The following RPH3AL variants were observed in gnomAD, a reference collection of about 807,000 sequenced individuals.
RPH3AL encodes rabphilin 3A like (without C2 domains).
RPH3AL carries 38 observed loss-of-function variants against 43.1 expected under a neutral mutation model. The ratio of observed to expected loss-of-function variants is 0.88; its 90% CI spans 0.68 to 1.15. The LOEUF is 1.15. RPH3AL is among the 50% of genes most tolerant of loss of function. The pLI, the probability that RPH3AL is intolerant of heterozygous loss-of-function variation, is 0.00. For missense variants in RPH3AL, 462 were observed against 423.2 expected (o/e 1.09, Z -0.81); for synonymous variants, 189 against 176.3 (o/e 1.07, Z -0.57).
chr17:268,003 A>C (rs2042362615), intron 6 of RPH3AL, among the ~76,000 whole-genome samples: 1 of 151,784 alleles, frequency 6.6e-6, no homozygotes, highest in Non-Finnish European at 1.5e-5. Flanking sequence ...CCGTAAACCC[A>C]CCCTCCCTCT....
chr17:332,704 C>A lies in RPH3AL; in HGVS notation c.-37+1055G>T, dbSNP rs758998022. The A allele has an allele frequency of 1.2e-5, 3 of 249,650 alleles. No homozygotes were observed. The South Asian group carries it at 1.5e-4, about 12-fold the overall frequency. The allele number at this position is 249,650 out of a possible 1,614,324, so 15.5% of individuals were successfully genotyped here. A position where few individuals can be genotyped will look rare whatever the true frequency, so the allele number is the denominator to read the frequency against. On this transcript the variant is annotated intron_variant, in intron 2 of 9. Transcript: ENST00000331302. ...GCCGTTTGTCCCTCAAGATTCCCCA[C>A]GGGGTAGTCGGCCTCAAGGCAGCTC...
At chr17:314,379 G>A (rs535783535) in intron 5 of RPH3AL, among the ~76,000 whole-genome samples, 2 of 145,068 alleles carry the variant, frequency 1.4e-5, no homozygotes, top group East Asian at 2.0e-4. Flanking sequence ...CCCGAGTCCT[G>A]CAAGTTGGCC....
intron 6 of RPH3AL, among the ~76,000 whole-genome samples, chr17:272,522 G>A (rs549054487): frequency 3.2e-4 from 46 of 144,664 alleles, no homozygotes; most frequent in Admixed American, 9.4e-4. Flanking sequence ...ACCAAACACC[G>A]CATGTTCTCA....
intron 1 of RPH3AL, among the ~76,000 whole-genome samples, chr17:342,340 C>T (rs1333451833): frequency 1.3e-5 from 2 of 152,316 alleles, no homozygotes; most frequent in South Asian, 4.1e-4. Context: ...TCTGACCCAA[C>T]AATTTCGCTC....
chr17:247,807 C>G (rs2041802580), intron 6 of RPH3AL: 1 of 153,058 alleles, frequency 6.5e-6, no homozygotes, highest in African/African-American at 2.4e-5. Context: ...TGCCCATCCC[C>G]AGTCCTTTCC....
chr17:334,309 C>A (rs2044880289), intron 1 of RPH3AL, among the ~76,000 whole-genome samples: 2 of 152,270 alleles, frequency 1.3e-5, no homozygotes, highest in Non-Finnish European at 2.9e-5. Flanking sequence ...CTGTCTGTCT[C>A]TAACACGTAT....
intron 6 of RPH3AL, among the ~76,000 whole-genome samples, chr17:250,987 T>C (rs1466643335): frequency 6.6e-6 from 1 of 152,254 alleles, no homozygotes; most frequent in Non-Finnish European, 1.5e-5. Flanking sequence ...CCGTGCTCTC[T>C]ACCCGCAATC....
At chr17:221,782 C>G (rs374475622) in intron 7 of RPH3AL, among the ~76,000 whole-genome samples, 34 of 78,488 alleles carry the variant, frequency 4.3e-4, no homozygotes, top group African/African-American at 1.7e-3. Flanking sequence ...CCTCCACTCA[C>G]TGAGACAATA....
chr17:314,536 C>A (rs879585255), intron 5 of RPH3AL, among the ~76,000 whole-genome samples: 4 of 123,092 alleles, frequency 3.2e-5, no homozygotes, highest in Non-Finnish European at 6.8e-5. Context: ...GTGACTCCAC[C>A]TCCATTGACC....
intron 5 of RPH3AL, among the ~76,000 whole-genome samples, chr17:317,058 A>C (rs1299329865): frequency 7.6e-6 from 1 of 132,074 alleles, no homozygotes; most frequent in African/African-American, 3.0e-5. Context: ...TCTGTGCCCC[A>C]CCTCCACTGA....
At position 242,283 on chromosome 17, in the gene RPH3AL, C is replaced by T. The variant is rs928050322; in HGVS notation, c.613+4828G>A. Among the ~76,000 whole-genome samples the T allele has an allele frequency of 5.9e-4, 72 of 121,322 alleles. 2 individuals are homozygous for T. The highest frequency in any genetic ancestry group is 9.9e-4 in the East Asian group (4 of 4,048). 79.6% of individuals were successfully genotyped at this position (121,322 alleles called of 152,430 possible). On this transcript the variant is annotated intron_variant, in intron 7 of 9. Coordinates refer to ENST00000331302, the MANE Select transcript of RPH3AL (RefSeq NM_006987.4). ...TCTATTGATTACCTTCCTCTATTGACTACCTTCCTCTATTGATTACCTTCC... is the reference window on the plus strand; with the variant it reads ...TCTATTGATTACCTTCCTCTATTGATTACCTTCCTCTATTGATTACCTTCC...
intron 7 of RPH3AL, among the ~76,000 whole-genome samples, chr17:222,561 C>T (rs1256705631): frequency 2.0e-5 from 3 of 152,206 alleles, no homozygotes; most frequent in Non-Finnish European, 4.4e-5. Flanking sequence ...GCTGGGTAAT[C>T]AACAGTGAGA....
At chr17:226,591 G>A (rs767409380) in intron 7 of RPH3AL, among the ~76,000 whole-genome samples, 4 of 152,188 alleles carry the variant, frequency 2.6e-5, no homozygotes, top group East Asian at 1.9e-4. Context: ...GGGCCACACC[G>A]AGCAAACCCT....
intron 5 of RPH3AL, among the ~76,000 whole-genome samples, chr17:315,403 C>T (rs1251917061): frequency 3.5e-3 from 525 of 150,498 alleles, no homozygotes; most frequent in African/African-American, 0.012. Flanking sequence ...GACCTGTAGT[C>T]CCTGTGCCCC....
chr17:304,075 CCGTGTTT>C (rs2043398462), intron 5 of RPH3AL, among the ~76,000 whole-genome samples: 1 of 2,854 alleles, frequency 3.5e-4, no homozygotes, highest in African/African-American at 7.6e-4. Context: ...TGAGCAGTGA[CCGTGTTT>C]CAGGAAAGAG....
chr17:317,357 C>T (rs2044302318), intron 5 of RPH3AL, among the ~76,000 whole-genome samples: 1 of 150,508 alleles, frequency 6.6e-6, no homozygotes, highest in African/African-American at 2.5e-5. Flanking sequence ...TCCCTGTGCC[C>T]CCACCTCCAT....
At chr17:240,148 A>G (rs1348326570) in intron 7 of RPH3AL, among the ~76,000 whole-genome samples, 1 of 151,552 alleles carries the variant, frequency 6.6e-6, no homozygotes, top group Non-Finnish European at 1.5e-5. Context: ...GAGGCAGGAG[A>G]ATCACTTGAA....
At chr17:224,376 AGCACCTCCC>A (rs929430969) in intron 7 of RPH3AL, among the ~76,000 whole-genome samples, 23 of 152,292 alleles carry the variant, frequency 1.5e-4, no homozygotes, top group East Asian at 7.7e-4. Flanking sequence ...GGCTCCTGCC[AGCACCTCCC>A]GCTGGGACTG....
At chr17:242,214 T>C (rs118050772) in intron 7 of RPH3AL, among the ~76,000 whole-genome samples, 8,020 of 152,132 alleles carry the variant, frequency 0.053, 280 homozygotes, top group Middle Eastern at 0.14. Context: ...GCTCTGTGGG[T>C]TGAAAAGTTC....
Sources: gnomAD v4.1 joint callset for allele counts (sites outside exome capture counted in the v4.1 genomes callset) on GRCh38, gnomAD v4.1.1 for gene constraint, MANE v1.5 for transcripts, NCBI Gene and HGNC (gene_info 2026-07-23, HGNC 2026-07-21) for gene names.